NDUFAF6: variants seen among roughly 807,000 people sequenced by gnomAD.
NDUFAF6 encodes the protein NADH:ubiquinone oxidoreductase complex assembly factor 6.
A neutral mutation model predicts 40.8 loss-of-function variants in NDUFAF6; 45 were observed. The ratio of observed to expected loss-of-function variants is 1.10; its 90% CI spans 0.87 to 1.42. The LOEUF is 1.42. NDUFAF6 is among the 40% of genes most tolerant of loss of function. The pLI is 0.00. For missense variants in NDUFAF6, 435 were observed against 418.5 expected (o/e 1.04, Z -0.34); for synonymous variants, 185 against 155.9 (o/e 1.19, Z -1.39).
intron 1 of NDUFAF6, among the ~76,000 whole-genome samples, chr8:94,935,088 A>ATGGT (rs1820820731): frequency 7.2e-6 from 1 of 139,248 alleles, no homozygotes; most frequent in African/African-American, 3.2e-5. Flanking sequence ...AAAACAGGAA[A>ATGGT]CGGTAGGTAG....
At chr8:94,935,426 A>C (rs560634941) in intron 1 of NDUFAF6, among the ~76,000 whole-genome samples, 1 of 152,222 alleles carries the variant, frequency 6.6e-6, no homozygotes, top group Non-Finnish European at 1.5e-5. Flanking sequence ...TTTCCTAGCT[A>C]TATTCTCTGG....
intron 2 of NDUFAF6, among the ~76,000 whole-genome samples, chr8:94,994,510 C>A (rs1826332674): frequency 6.7e-6 from 1 of 149,810 alleles, no homozygotes; most frequent in African/African-American, 2.5e-5. Flanking sequence ...GAGATTGTGC[C>A]AAGAGCGAAA....
At chr8:95,072,345 A>G (rs1832894438) in intron 9 of NDUFAF6, among the ~76,000 whole-genome samples, 1 of 152,208 alleles carries the variant, frequency 6.6e-6, no homozygotes, top group Non-Finnish European at 1.5e-5. Context: ...CTGAGGCTGC[A>G]GCATCCTTTA....
At chr8:95,105,339 A>T (rs1191089860), downstream of NDUFAF6, among the ~76,000 whole-genome samples, 2 of 147,960 alleles carry the variant, frequency 1.4e-5, no homozygotes, top group East Asian at 4.1e-4. Flanking sequence ...CTCCTCTTCT[A>T]AAAAGTGACC....
Position 95,073,853 on chromosome 8 carries a change from G to C in NDUFAF6, c.*512-1780G>C, listed in dbSNP as rs10216558. The stretch of plus-strand genomic sequence containing the variant: ...ACCTGCCAACCAATCCCAACCTGAT[G>C]TCCTAATTTGAATCCTGATTCAAAT... On this transcript the variant is annotated intron_variant and NMD_transcript_variant, in intron 9 of 9. Coordinates refer to the NDUFAF6 transcript ENST00000520757. Among the ~76,000 whole-genome samples, 502 of 152,244 alleles carry C rather than the reference G, an allele frequency of 3.3e-3. 3 individuals carry two copies. Among genetic ancestry groups the C allele is most frequent in the African/African-American group, 0.011 (470 of 41,538 alleles).
chr8:94,956,835 T>C (rs1823118146), upstream of NDUFAF6, among the ~76,000 whole-genome samples: 1 of 152,070 alleles, frequency 6.6e-6, no homozygotes, highest in Non-Finnish European at 1.5e-5. Flanking sequence ...TCAAGGATGG[T>C]GCTTGGGGCT....
At chr8:94,964,774 A>C (rs1236773525) in intron 1 of NDUFAF6, among the ~76,000 whole-genome samples, 1 of 152,178 alleles carries the variant, frequency 6.6e-6, no homozygotes, top group African/African-American at 2.4e-5. Context: ...ACTGAGCCCC[A>C]CTTCCAACAT....
rs556025777 is a variant in NDUFAF6 at position 94,974,238 on chromosome 8, C to T, written c.-198-6621C>T. Among the ~76,000 whole-genome samples, 1,421 of 147,898 alleles carry T rather than the reference C, an allele frequency of 9.6e-3. 7 individuals carry two copies. The highest frequency in any genetic ancestry group is 0.016 in the Non-Finnish European group (1,051 of 67,050). Reference sequence around the variant, plus strand: ...CAAATCTGTTTTTTTTTTAAATTATCTTTATTATAAGGAAAAAAAAAAACC... The same window carrying T: ...CAAATCTGTTTTTTTTTTAAATTATTTTTATTATAAGGAAAAAAAAAAACC... On this transcript the variant is annotated intron_variant, in intron 1 of 9. Coordinates refer to the NDUFAF6 transcript ENST00000396111.
intron 1 of NDUFAF6, chr8:94,926,703 C>T (rs62523078): frequency 6.6e-6 from 1 of 152,222 alleles, no homozygotes; most frequent in South Asian, 2.1e-4. Context: ...TAACTCTCCT[C>T]CCATGCAAAG....
chr8:95,038,109 G>A (rs1829715746), intron 3 of NDUFAF6, among the ~76,000 whole-genome samples: 2 of 152,112 alleles, frequency 1.3e-5, no homozygotes, highest in African/African-American at 4.8e-5. Context: ...TTGCCTCCTG[G>A]CCATCCTCCC....
intron 1 of NDUFAF6, among the ~76,000 whole-genome samples, chr8:94,937,078 G>A (rs1349241262): frequency 1.3e-5 from 2 of 152,120 alleles, no homozygotes; most frequent in Admixed American, 1.3e-4. Flanking sequence ...AATGGAAGAT[G>A]CAAATGCTCA....
At chr8:94,899,276 A>G (rs1434972149) in intron 1 of NDUFAF6, among the ~76,000 whole-genome samples, 1 of 152,228 alleles carries the variant, frequency 6.6e-6, no homozygotes, top group African/African-American at 2.4e-5. Flanking sequence ...TTACTGTAAG[A>G]TAGTTTTGAC....
At chr8:95,116,898 C>T (rs747612363), downstream of NDUFAF6, among the ~76,000 whole-genome samples, 1 of 152,174 alleles carries the variant, frequency 6.6e-6, no homozygotes, top group Non-Finnish European at 1.5e-5. Flanking sequence ...TGTTTCTTTT[C>T]CTCTCTTTGT....
chr8:94,957,956 T>G (rs1453378), upstream of NDUFAF6: 3,318 of 152,428 alleles, frequency 0.022, 52 homozygotes, highest in African/African-American at 0.039. Context: ...TGTTTGTAAA[T>G]CCATCCAACA....
At chr8:94,952,845 C>T (rs1456234457) in intron 2 of NDUFAF6, among the ~76,000 whole-genome samples, 2 of 152,184 alleles carry the variant, frequency 1.3e-5, no homozygotes, top group African/African-American at 4.8e-5. Flanking sequence ...TGTGTGCTGG[C>T]TGAGGCAGCA....
chr8:95,111,103 G>A (rs1381000528), intron 4 of NDUFAF6, among the ~76,000 whole-genome samples: 1 of 152,198 alleles, frequency 6.6e-6, no homozygotes, highest in African/African-American at 2.4e-5. Flanking sequence ...GACACCAAGA[G>A]CAGCCAGGGG....
At chr8:95,057,552 T>G (rs1832341698) in intron 8 of NDUFAF6, among the ~76,000 whole-genome samples, 1 of 152,222 alleles carries the variant, frequency 6.6e-6, no homozygotes, top group Non-Finnish European at 1.5e-5. Context: ...CCTTTTGTCT[T>G]AACCAAAGCT....
chr8:95,078,656 A>ATATATATAT (rs1275855411), downstream of NDUFAF6: 1 of 61,218 alleles, frequency 1.6e-5, no homozygotes, highest in African/African-American at 5.3e-5. Context: ...TGTTAAAAAA[A>ATATATATAT]AAAAAAATAT....
At chr8:94,933,200 T>C (rs1331834300) in intron 1 of NDUFAF6, among the ~76,000 whole-genome samples, 5 of 151,712 alleles carry the variant, frequency 3.3e-5, no homozygotes, top group South Asian at 4.2e-4. Context: ...TGGGCAACAG[T>C]GAGACTCCGT....
Sources: allele counts gnomAD v4.1 joint callset (sites outside exome capture counted in the v4.1 genomes callset), GRCh38; gene constraint gnomAD v4.1.1; transcripts MANE v1.5; gene names NCBI Gene and HGNC (gene_info 2026-07-23, HGNC 2026-07-21).